The following ROBO2 variants were observed in gnomAD, a reference collection of about 807,000 sequenced individuals.
The protein encoded by ROBO2 is roundabout guidance receptor 2.
Under a neutral mutation model 160.8 loss-of-function variants are expected in ROBO2, and 53 were observed. The ratio of observed to expected loss-of-function variants is 0.33; its 90% confidence interval spans 0.26 to 0.41. ROBO2 has a LOEUF of 0.41. Among genes scored for constraint, ROBO2 ranks in the 10% least tolerant of loss-of-function variants. The pLI, the probability that ROBO2 is intolerant of heterozygous loss-of-function variation, is 1.00. For synonymous variants in ROBO2, 664 were observed against 611.7 expected, an observed-to-expected ratio of 1.09 and a Z score of -1.26; for missense variants, 1,577 against 1,722.4, an observed-to-expected ratio of 0.92 and a Z score of 1.49.
At chr3:77,031,538 G>T (rs968321675) in intron 2 of ROBO2, among the ~76,000 whole-genome samples, 10 of 143,668 alleles carry the variant, frequency 7.0e-5, no homozygotes, top group Non-Finnish European at 1.2e-4. Context: ...ATATTCATTT[G>T]TATATTTAAT....
chr3:76,976,112 G>T (rs551414623), intron 2 of ROBO2, among the ~76,000 whole-genome samples: 2 of 152,116 alleles, frequency 1.3e-5, no homozygotes, highest in Admixed American at 6.5e-5. Context: ...GCAATATGTC[G>T]TAAATATCTA....
chr3:76,412,301 A>C (rs955584328), intron 2 of ROBO2, among the ~76,000 whole-genome samples: 4 of 152,222 alleles, frequency 2.6e-5, no homozygotes, highest in Non-Finnish European at 4.4e-5. Context: ...TTGAGGTTTC[A>C]ATGGAAACAC....
At chr3:77,026,884 A>G (rs1168145705) in intron 2 of ROBO2, among the ~76,000 whole-genome samples, 2 of 152,216 alleles carry the variant, frequency 1.3e-5, no homozygotes, top group Non-Finnish European at 2.9e-5. Context: ...TAGAAGACCA[A>G]TCTACAAATA....
chr3:77,550,683 A>T (rs569968309), intron 7 of ROBO2, 135 bp from the exon 9 acceptor site: 3 of 919,032 alleles, frequency 3.3e-6, no homozygotes, highest in Non-Finnish European at 5.1e-6. Flanking sequence ...TGGCATTTAA[A>T]CATTTCTGAA....
At chr3:76,985,575 G>GAAAAAAA (rs532632866) in intron 2 of ROBO2, among the ~76,000 whole-genome samples, 33 of 26,376 alleles carry the variant, frequency 1.3e-3, no homozygotes, top group African/African-American at 3.6e-3. Flanking sequence ...GACTCCGTCT[G>GAAAAAAA]AAAAAAAAAA....
chr3:76,991,567 C>A (rs1028181686), intron 2 of ROBO2, among the ~76,000 whole-genome samples: 1 of 152,044 alleles, frequency 6.6e-6, no homozygotes, highest in Admixed American at 6.6e-5. Context: ...CTTTTTATCA[C>A]GGGATTCATT....
intron 2 of ROBO2, among the ~76,000 whole-genome samples, chr3:76,493,330 C>T (rs1375537119): frequency 2.0e-5 from 1 of 51,272 alleles, no homozygotes; most frequent in Non-Finnish European, 3.7e-5. Flanking sequence ...AACATGTAGA[C>T]AAAAAATTAT....
At chr3:76,721,187 T>C (rs2093459986) in intron 2 of ROBO2, among the ~76,000 whole-genome samples, 1 of 152,182 alleles carries the variant, frequency 6.6e-6, no homozygotes, top group Admixed American at 6.5e-5. Context: ...AAATCTAAAA[T>C]CTCTCAAGTA....
intron 2 of ROBO2, among the ~76,000 whole-genome samples, chr3:77,151,710 T>A (rs530654512): frequency 6.6e-6 from 1 of 152,318 alleles, no homozygotes; most frequent in Non-Finnish European, 1.5e-5. Flanking sequence ...AAATACATTT[T>A]ATTTACTTTC....
Position 76,091,413 on chromosome 3 carries a change from T to TCC in ROBO2, c.109+153812_109+153813insCC, listed in dbSNP as rs1234799140. ...ACTGCTAGAATGGCCAAAATCCAAATCACTGACACCACCAAATGCTGAGGA... is the reference window on the plus strand; with the variant it reads ...ACTGCTAGAATGGCCAAAATCCAAATCCCACTGACACCACCAAATGCTGAGGA... On this transcript the variant is annotated intron_variant, in intron 2 of 26. Coordinates refer to the ROBO2 transcript ENST00000487694. 3.3e-5 allele frequency among the ~76,000 whole-genome samples: 5 copies of TCC among 152,214 alleles called. No individual in the cohort carries two copies. The East Asian group carries it at 7.7e-4, about 24-fold the overall frequency.
At chr3:77,600,302 T>A (rs2094405100) in intron 19 of ROBO2, among the ~76,000 whole-genome samples, 1 of 152,218 alleles carries the variant, frequency 6.6e-6, no homozygotes, top group South Asian at 2.1e-4. Flanking sequence ...TTCAGTTTAT[T>A]TTTTGAAAAT....
At chr3:77,492,379 G>T (rs2153599810) in intron 4 of ROBO2, among the ~76,000 whole-genome samples, 1 of 152,272 alleles carries the variant, frequency 6.6e-6, no homozygotes, top group African/African-American at 2.4e-5. Flanking sequence ...CAGAGGCTAA[G>T]AATCTTATGG....
intron 2 of ROBO2, among the ~76,000 whole-genome samples, chr3:76,047,722 C>A (rs1330784324): frequency 2.6e-5 from 4 of 152,168 alleles, no homozygotes; most frequent in African/African-American, 7.2e-5. Flanking sequence ...AATATGCCTG[C>A]GTGCATGATG....
intron 2 of ROBO2, among the ~76,000 whole-genome samples, chr3:76,864,254 C>A (rs1455585847): frequency 6.6e-6 from 1 of 152,024 alleles, no homozygotes; most frequent in African/African-American, 2.4e-5. Flanking sequence ...TGTTTTTACA[C>A]AATTAAGAAT....
intron 23 of ROBO2, among the ~76,000 whole-genome samples, chr3:77,622,800 A>C (rs2094929060): frequency 6.6e-6 from 1 of 152,224 alleles, no homozygotes; most frequent in African/African-American, 2.4e-5. Context: ...ATGCAATCTT[A>C]AAATGCTTCT....
At chr3:76,655,244 G>C (rs1487903476) in intron 2 of ROBO2, among the ~76,000 whole-genome samples, 1 of 150,076 alleles carries the variant, frequency 6.7e-6, no homozygotes, top group Non-Finnish European at 1.5e-5. Flanking sequence ...ATTGTCATCT[G>C]TTCTACCATA....
intron 2 of ROBO2, among the ~76,000 whole-genome samples, chr3:77,458,427 G>A (rs1361236778): frequency 6.6e-6 from 1 of 152,112 alleles, no homozygotes; most frequent in East Asian, 1.9e-4. Flanking sequence ...TGGGTTTGTT[G>A]GAAGAAGAAG....
At chr3:76,406,109 G>C (rs1024213543) in intron 2 of ROBO2, among the ~76,000 whole-genome samples, 1 of 151,534 alleles carries the variant, frequency 6.6e-6, no homozygotes, top group Non-Finnish European at 1.5e-5. Flanking sequence ...AGTATTGATT[G>C]TATTCATATT....
chr3:77,004,612 T>G (rs1029588039), intron 2 of ROBO2, among the ~76,000 whole-genome samples: 4 of 152,200 alleles, frequency 2.6e-5, no homozygotes, highest in African/African-American at 7.2e-5. Context: ...AAAGTTCCCA[T>G]TCATGCTTTT....
Sources: allele counts gnomAD v4.1 joint callset (sites outside exome capture counted in the v4.1 genomes callset), GRCh38; gene constraint gnomAD v4.1.1; transcripts MANE v1.5; gene names NCBI Gene and HGNC (gene_info 2026-07-23, HGNC 2026-07-21).